Variants in NOTCH1 observed in about 807,000 individuals in gnomAD.
The protein encoded by NOTCH1 is notch receptor 1, also known as neurogenic locus notch homolog protein 1.
In NOTCH1, 37 loss-of-function variants were observed where a neutral mutation model predicts 254.8. That is an observed-to-expected ratio of 0.15 (90% confidence interval 0.11 to 0.19). NOTCH1 has a LOEUF of 0.19. Ranked by LOEUF, NOTCH1 falls within the 10% of genes least tolerant of loss-of-function variation. The probability of loss-of-function intolerance (pLI) is 1.00; values close to 1 mark genes in which losing one functional copy is unlikely to be tolerated. For synonymous variants in NOTCH1, 1,731 were observed against 1,618.1 expected (o/e 1.07, Z -1.68); for missense variants, 2,972 against 3,708.6 (o/e 0.80, Z 5.16).
Position 136,507,324 on chromosome 9 carries a change from G to C in NOTCH1, c.3624C>G (p.Ser1208=). 6.2e-7 allele frequency: 1 copy of C among 1,612,962 alleles called. No individual in the cohort carries two copies. Among genetic ancestry groups the C allele is most frequent in the Non-Finnish European group, 8.5e-7 (1 of 1,179,946 alleles). The change falls in exon 22 of 34, where the codon TCC becomes TCG. Residue 1208 remains serine (S), a synonymous_variant. Coordinates refer to ENST00000651671, the MANE Select transcript of NOTCH1 (RefSeq NM_017617.5). ...CLDLPNTYKC[S]CPRGTQGVHC... is the part of the protein sequence containing the mutation. Reference sequence around the variant, plus strand: ...CCTTACCCTGAGTGCCCCGTGGGCAGGAGCACTTGTAGGTGTTGGGGAGGT... The same window carrying C: ...CCTTACCCTGAGTGCCCCGTGGGCACGAGCACTTGTAGGTGTTGGGGAGGT...
Position 136,517,380 on chromosome 9 carries a change from C to G in NOTCH1, c.1447G>C (p.Glu483Gln). The G allele has an allele frequency of 6.3e-7, 1 of 1,593,864 alleles. No individual in the cohort carries two copies. The highest frequency in any genetic ancestry group is 8.5e-7 in the Non-Finnish European group (1 of 1,170,038). ...GTGTTGACCTCGCAGTGCACACCCTCGTAGCCTGTGGGGTGGGGCAACAGT... is the reference window on the plus strand; with the variant it reads ...GTGTTGACCTCGCAGTGCACACCCTGGTAGCCTGTGGGGTGGGGCAACAGT... The part of the protein sequence containing the change: ...EFQCICMPGY[E>Q]GVHCEVNTDE... Residue 483 changes from glutamate to glutamine, a missense_variant, in exon 9 of 34, where the codon GAG becomes CAG. Physicochemically the swap from Glu to Gln is conservative, Grantham distance 29 (BLOSUM62 2). Around this residue, in one of 8 missense-constraint regions of NOTCH1, gnomAD observed 128 missense variants for 193.8 expected, o/e 0.66. Coordinates refer to ENST00000651671, the MANE Select transcript of NOTCH1 (RefSeq NM_017617.5).
In NOTCH1 at chr9:136,515,604, G is replaced by A. The variant is rs2133363867; in HGVS notation, c.1782C>T (p.Gly594=). 1 of 1,609,524 alleles carries A rather than the reference G, an allele frequency of 6.2e-7. No homozygotes were observed. Among genetic ancestry groups the A allele is most frequent in the Non-Finnish European group, 8.5e-7 (1 of 1,179,432 alleles). The change falls in exon 11 of 34, where the codon GGC becomes GGT. Residue 594 remains glycine, a synonymous_variant. Coordinates refer to ENST00000651671, the MANE Select transcript of NOTCH1 (RefSeq NM_017617.5). The stretch of plus-strand genomic sequence containing the variant: ...TGGTCTCGCAGTGGTGGCCCGTGTA[G>A]CCTGGGCGGCAGAGGCAGGTGAAGG... The part of the protein sequence containing the change: ...VATFTCLCRP[G]YTGHHCETNI...
At chr9:136,511,815 G>A (rs757872498) in intron 15 of NOTCH1, among the ~76,000 whole-genome samples, 1 of 152,236 alleles carries the variant, frequency 6.6e-6, no homozygotes, top group Non-Finnish European at 1.5e-5. Flanking sequence ...CACATCCTGC[G>A]TGTCGGGGCA....
chr9:136,518,405 C>A, intron 6 of NOTCH1, 113 bp from the exon 7 acceptor site: 1 of 1,404,866 alleles, frequency 7.1e-7, no homozygotes, highest in Non-Finnish European at 9.7e-7. Flanking sequence ...CGCCGTGACC[C>A]CGTCGGGCAT....
At chr9:136,505,929 C>A in intron 24 of NOTCH1, 48 bp from the exon 25 acceptor site, 1 of 1,476,242 alleles carries the variant, frequency 6.8e-7, no homozygotes. Flanking sequence ...CCACCCCCCG[C>A]CCCCCCGCCA....
rs781354813 is a variant in NOTCH1, at chr9:136,517,391, G to A, written c.1442-6C>T. On this transcript the variant is annotated splice_polypyrimidine_tract_variant and splice_region_variant and intron_variant, in intron 8 of 33. Transcript: ENST00000651671. ...GCAGTGCACACCCTCGTAGCCTGTG[G>A]GGTGGGGCAACAGTGAGGGGGGCAC... The A allele has an allele frequency of 2.5e-6, 4 of 1,580,858 alleles. No individual in the cohort carries two copies. Among genetic ancestry groups the A allele is most frequent in the South Asian group, 1.1e-5 (1 of 87,560 alleles).
At chr9:136,523,295 G>A in intron 3 of NOTCH1, 107 bp from the exon 4 acceptor site, 1 of 1,154,274 alleles carries the variant, frequency 8.7e-7, no homozygotes, top group Non-Finnish European at 1.3e-6. Flanking sequence ...TCCACCTTAG[G>A]TGCTATCACA....
intron 18 of NOTCH1, among the ~76,000 whole-genome samples, chr9:136,509,521 C>T (rs575220377): frequency 6.1e-4 from 93 of 152,352 alleles, no homozygotes; most frequent in African/African-American, 2.1e-3. Context: ...GACAGACTAC[C>T]GGCGCTCCTG....
intron 9 of NOTCH1, 33 bp downstream of exon 9, chr9:136,517,239 G>A (rs958376575): frequency 1.1e-5 from 16 of 1,422,400 alleles, no homozygotes; most frequent in African/African-American, 5.6e-5. Flanking sequence ...GGGTGCAGAC[G>A]ACCCGGGGGC....
In NOTCH1 at chr9:136,513,651, A is replaced by C; in HGVS notation, c.2208-114T>G. On this transcript the variant is annotated intron_variant, in intron 13 of 33. Transcript: ENST00000651671. This position sits in a 1 kb window ranked among gnomAD's most constrained non-coding sequence, Gnocchi z 4.7. Reference sequence around the variant, plus strand: ...CTGGCGGAGGTGCCCATCCACTCAGACTCGCAGAGTCCTTTAGTGGGGGCA... The same window carrying C: ...CTGGCGGAGGTGCCCATCCACTCAGCCTCGCAGAGTCCTTTAGTGGGGGCA... 1.7e-6 allele frequency: 2 copies of C among 1,199,836 alleles called. No homozygotes were observed. Among genetic ancestry groups the C allele is most frequent in the Admixed American group, 1.9e-5 (1 of 51,308 alleles). 74.3% of individuals were successfully genotyped at this position (1,199,836 alleles called of 1,614,324 possible).
intron 2 of NOTCH1, among the ~76,000 whole-genome samples, chr9:136,536,393 G>A (rs1843658210): frequency 6.6e-6 from 1 of 152,214 alleles, no homozygotes; most frequent in African/African-American, 2.4e-5. Context: ...ATCTAGGCCA[G>A]GGCATAGCCA....
Position 136,496,803 on chromosome 9 carries a change from G to C in NOTCH1, c.6936C>G (p.Ser2312=), listed in dbSNP as rs1190107678. ...TCGGCACCATGCCGCTCTGCAGCCG[G>C]GACAGCCACTCGCATTGACCATTCA... ...TSLNGQCEWL[S]RLQSGMVPNQ... Residue 2312 remains serine (S), a synonymous_variant, in exon 34 of 34, where the codon TCC becomes TCG. Transcript: ENST00000651671. 6.2e-7 allele frequency: 1 copy of C among 1,612,926 alleles called. No homozygotes were observed. Among genetic ancestry groups the C allele is most frequent in the South Asian group, 1.1e-5 (1 of 91,090 alleles).
At chr9:136,529,197 A>C (rs920938015) in intron 2 of NOTCH1, among the ~76,000 whole-genome samples, 6 of 152,242 alleles carry the variant, frequency 3.9e-5, no homozygotes, top group African/African-American at 1.4e-4. Flanking sequence ...CTGCCCAAGC[A>C]AATGGGGCCA....
At position 136,495,445 on chromosome 9, in the gene NOTCH1, C is replaced by T. The variant is rs1842901217; in HGVS notation, c.*626G>A. 2 of 398,936 alleles carry T rather than the reference C, an allele frequency of 5.0e-6. No individual in the cohort carries two copies. The highest frequency in any genetic ancestry group is 4.1e-5 in the African/African-American group (2 of 48,648). The allele number at this position is 398,936 out of a possible 1,614,324, so 24.7% of individuals were successfully genotyped here. On this transcript the variant is annotated 3_prime_UTR_variant, in exon 34 of 34. Coordinates refer to ENST00000651671, the MANE Select transcript of NOTCH1 (RefSeq NM_017617.5). ...GCAAGAAACCATCTAAAACACATGG[C>T]AACATCTAACCCATATGCTTTCACT...
intron 2 of NOTCH1, among the ~76,000 whole-genome samples, chr9:136,533,490 C>G (rs926497905): frequency 6.6e-6 from 1 of 152,210 alleles, no homozygotes; most frequent in African/African-American, 2.4e-5. Context: ...GCTCATCTGT[C>G]CCCCGGCTGC....
At chr9:136,532,670 C>T (rs900550757) in intron 2 of NOTCH1, among the ~76,000 whole-genome samples, 3 of 152,214 alleles carry the variant, frequency 2.0e-5, no homozygotes, top group Non-Finnish European at 2.9e-5. Flanking sequence ...GCCACGAGGA[C>T]GGCAGCTGGG....
intron 2 of NOTCH1, among the ~76,000 whole-genome samples, chr9:136,541,537 C>T (rs1843732976): frequency 6.6e-6 from 1 of 152,216 alleles, no homozygotes; most frequent in Non-Finnish European, 1.5e-5. Flanking sequence ...TTTCGAGAAA[C>T]AGTGTGGGTT....
chr9:136,508,942 G>A lies in NOTCH1; in HGVS notation c.3099C>T (p.Gly1033=), dbSNP rs775567314. ...AGCCGCAGCCGTCCTGACAGGTGCC[G>A]CCATGCAGGCAGGGCTGTGAGTCGC... The part of the protein sequence containing the change: ...NECDSQPCLH[G]GTCQDGCGSY... The change falls in exon 19 of 34, where the codon GGC becomes GGT. Residue 1033 remains glycine, a synonymous_variant. Coordinates refer to ENST00000651671, the MANE Select transcript of NOTCH1 (RefSeq NM_017617.5). The A allele has an allele frequency of 2.5e-5, 39 of 1,550,376 alleles. No individual in the cohort carries two copies. The highest frequency in any genetic ancestry group is 9.8e-5 in the Admixed American group (5 of 51,188).
Position 136,545,805 on chromosome 9 carries a change from C to G in NOTCH1, c.-19G>C. On this transcript the variant is annotated 5_prime_UTR_variant, in exon 1 of 34. Transcript: ENST00000651671. This position sits in a 1 kb window ranked among gnomAD's most constrained non-coding sequence, Gnocchi z 6.8. ...GCGGCATGCCTCCCCACCGGCTGCC[C>G]TCTGCGCCCGGGCGGCGGCCTCCTG... 7.9e-7 allele frequency: 1 copy of G among 1,263,658 alleles called. No homozygotes were observed. The highest frequency in any genetic ancestry group is 1.0e-6 in the Non-Finnish European group (1 of 1,003,776). The allele number at this position is 1,263,658 out of a possible 1,614,324, so 78.3% of individuals were successfully genotyped here. A position where few individuals can be genotyped will look rare whatever the true frequency, so the allele number is the denominator to read the frequency against.
Sources: gnomAD v4.1 joint callset for allele counts (sites outside exome capture counted in the v4.1 genomes callset) on GRCh38, gnomAD v4.1.1 for gene constraint, gnomAD v4.1.1 regional missense constraint, Gnocchi (gnomAD v3.1) non-coding constraint, MANE v1.5 for transcripts, NCBI Gene and HGNC (gene_info 2026-07-23, HGNC 2026-07-21) for gene names.